Variants in ZNF462 observed in about 807,000 individuals in gnomAD.
The protein encoded by ZNF462 is zinc finger protein 462.
A neutral mutation model predicts 201.9 loss-of-function variants in ZNF462; 10 were observed. The observed-to-expected ratio is 0.05, with a 90% CI of 0.03 to 0.08. ZNF462 has a LOEUF of 0.08. ZNF462 is among the 10% of genes least tolerant of loss of function. ZNF462 has a pLI of 1.00. For synonymous variants in ZNF462, 1,227 were observed against 1,193.3 expected, an observed-to-expected ratio of 1.03 and a Z score of -0.58; for missense variants, 2,523 against 3,168.3, an observed-to-expected ratio of 0.80 and a Z score of 4.89.
In ZNF462 at chr9:106,962,548, A is replaced by G. The variant is rs1354029221; in HGVS notation, c.6428-9457A>G. ...GGTCTTTGAGAAACCTTTTCAGTGA[A>G]TGTAAGTATGATGGGAAACTAGATC... On this transcript the variant is annotated intron_variant, in intron 7 of 12. Transcript: ENST00000277225. The surrounding 1 kb of genome is among the most constrained non-coding windows in gnomAD (Gnocchi z 4.6). Among the ~76,000 whole-genome samples the G allele has an allele frequency of 1.3e-5, 2 of 152,070 alleles. No homozygotes were observed. Among genetic ancestry groups the G allele is most frequent in the East Asian group, 1.9e-4 (1 of 5,176 alleles).
Position 106,928,760 on chromosome 9 carries a change from A to G in ZNF462, c.4848A>G (p.Pro1616=). The part of the protein sequence containing the change: ...DVFSQSPPKL[P]VPLEPEMTTE... ...TTTCCCAGTCGCCCCCGAAGCTGCC[A>G]GTCCCCCTCGAGCCCGAGATGACCA... Residue 1616 remains proline (P), a synonymous_variant, in exon 3 of 13, where the codon CCA becomes CCG. Coordinates refer to ENST00000277225, the MANE Select transcript of ZNF462 (RefSeq NM_021224.6). This position sits in a 1 kb window ranked among gnomAD's most constrained non-coding sequence, Gnocchi z 9.3. The G allele has an allele frequency of 5.6e-6, 9 of 1,614,118 alleles. No homozygotes were observed. Among genetic ancestry groups the G allele is most frequent in the Non-Finnish European group, 7.6e-6 (9 of 1,180,022 alleles).
chr9:106,933,725 G>A lies in ZNF462; in HGVS notation c.6116+1176G>A, dbSNP rs1830514663. On this transcript the variant is annotated intron_variant, in intron 5 of 12. Transcript: ENST00000277225. The surrounding 1 kb of genome is among the most constrained non-coding windows in gnomAD (Gnocchi z 4.3). ...TAAAATACTATGATGTGTCAAAGAA[G>A]AGAAATGTTACATCAGCTTTGGAAG... is the stretch of plus-strand genomic sequence containing the variant. Among the ~76,000 whole-genome samples the A allele has an allele frequency of 6.6e-6, 1 of 152,172 alleles. No individual in the cohort carries two copies. The highest frequency in any genetic ancestry group is 2.4e-5 in the African/African-American group (1 of 41,420).
At chr9:106,915,075 G>GT (rs1829712710) in intron 1 of ZNF462, among the ~76,000 whole-genome samples, 1 of 152,080 alleles carries the variant, frequency 6.6e-6, no homozygotes, top group Admixed American at 6.5e-5. Context: ...AATGATCAAA[G>GT]TAAGGGCCTC....
Position 106,905,053 on chromosome 9 carries a change from C to G in ZNF462, c.-30-18301C>G, listed in dbSNP as rs1400380085. On this transcript the variant is annotated intron_variant, in intron 1 of 12. Coordinates refer to ENST00000277225, the MANE Select transcript of ZNF462 (RefSeq NM_021224.6). The surrounding 1 kb of genome is among the most constrained non-coding windows in gnomAD (Gnocchi z 5.9). ...TGGTTTCTTCTCATTTGGGTAGGCT[C>G]TGTCAGAGGGAAGGTCTATGGCTGA... Among the ~76,000 whole-genome samples the G allele has an allele frequency of 6.6e-6, 1 of 152,068 alleles. No homozygotes were observed. Among genetic ancestry groups the G allele is most frequent in the Admixed American group, 6.5e-5 (1 of 15,280 alleles).
intron 9 of ZNF462, among the ~76,000 whole-genome samples, chr9:106,980,452 G>A (rs1272315058): frequency 2.6e-5 from 4 of 152,154 alleles, no homozygotes; most frequent in African/African-American, 9.7e-5. Flanking sequence ...ATGTTGTGGT[G>A]TGCCTTTCAG....
rs1256661467 is a variant in ZNF462, at chr9:106,962,072, G to A, written c.6428-9933G>A. ...TGGTTCAGAGTTTGGGCTTTTTTCT[G>A]TAAGAAAGTGAGTGTCATGATCACA... On this transcript the variant is annotated intron_variant, in intron 7 of 12. Transcript: ENST00000277225. The surrounding 1 kb of genome is among the most constrained non-coding windows in gnomAD (Gnocchi z 4.6). 1.3e-5 allele frequency among the ~76,000 whole-genome samples: 2 copies of A among 151,992 alleles called. No homozygotes were observed. Among genetic ancestry groups the A allele is most frequent in the South Asian group, 2.1e-4 (1 of 4,826 alleles).
intron 9 of ZNF462, among the ~76,000 whole-genome samples, chr9:106,982,787 C>T (rs1033882197): frequency 6.6e-6 from 1 of 152,100 alleles, no homozygotes; most frequent in Admixed American, 6.5e-5. Flanking sequence ...GACTGCCCTA[C>T]AATCAGAGTG....
intron 1 of ZNF462, among the ~76,000 whole-genome samples, chr9:106,869,004 T>C (rs1827469299): frequency 6.6e-6 from 1 of 150,446 alleles, no homozygotes; most frequent in East Asian, 2.0e-4. Context: ...GGTTTGTAGC[T>C]GTACTTTTCT....
At chr9:106,975,840 C>T (rs1826959776) in intron 9 of ZNF462, 1 of 152,188 alleles carries the variant, frequency 6.6e-6, no homozygotes, top group African/African-American at 2.4e-5. Context: ...GAGCTGAGAA[C>T]ACAAGAAAGG....
At chr9:106,863,597 GGAGGAA>G (rs1827153592) in intron 1 of ZNF462, among the ~76,000 whole-genome samples, 2 of 151,300 alleles carry the variant, frequency 1.3e-5, no homozygotes, top group Non-Finnish European at 3.0e-5. Context: ...GAGAAGCGAG[GGAGGAA>G]GAGGAGGAGG....
At chr9:106,971,377 A>AAAACAG (rs57265022) in intron 7 of ZNF462, among the ~76,000 whole-genome samples, 3 of 150,328 alleles carry the variant, frequency 2.0e-5, no homozygotes, top group African/African-American at 7.5e-5. Context: ...AAAAAAAAAA[A>AAAACAG]CAACAACAAC....
Position 106,876,942 on chromosome 9 carries a change from G to C in ZNF462, c.-31+13587G>C, listed in dbSNP as rs538183496. Among the ~76,000 whole-genome samples the C allele has an allele frequency of 1.3e-5, 2 of 152,130 alleles. No homozygotes were observed. The highest frequency in any genetic ancestry group is 2.9e-5 in the Non-Finnish European group (2 of 68,024). ...CTGCCCCATAGCCTGGCTTAGAAAT[G>C]CTTTGGTTTTCTCTGTGCAAATGTT... On this transcript the variant is annotated intron_variant, in intron 1 of 12. Transcript: ENST00000277225. This position sits in a 1 kb window ranked among gnomAD's most constrained non-coding sequence, Gnocchi z 4.9.
rs991447886 is a variant in ZNF462, at chr9:107,008,215, T to C, written c.7190-1330T>C. 6.6e-6 allele frequency among the ~76,000 whole-genome samples: 1 copy of C among 152,214 alleles called. No individual in the cohort carries two copies. Among genetic ancestry groups the C allele is most frequent in the African/African-American group, 2.4e-5 (1 of 41,466 alleles). On this transcript the variant is annotated intron_variant, in intron 11 of 12. Transcript: ENST00000277225. This position sits in a 1 kb window ranked among gnomAD's most constrained non-coding sequence, Gnocchi z 4.8. ...GCCCAAGATAATCCCTGCTAAGGAA[T>C]TAATGCGCAGAGCAGATGGTGCTGT...
chr9:106,970,267 T>G lies in ZNF462; in HGVS notation c.6428-1738T>G, dbSNP rs1009317228. 2.0e-5 allele frequency among the ~76,000 whole-genome samples: 3 copies of G among 152,174 alleles called. No individual in the cohort carries two copies. The highest frequency in any genetic ancestry group is 1.9e-4 in the East Asian group (1 of 5,188). On this transcript the variant is annotated intron_variant, in intron 7 of 12. Coordinates refer to ENST00000277225, the MANE Select transcript of ZNF462 (RefSeq NM_021224.6). The surrounding 1 kb of genome is among the most constrained non-coding windows in gnomAD (Gnocchi z 4.2). ...GTTCAGGTTTCCTTTTGTTTTATTT[T>G]TGTGTGTGTGGCAGGTTTGTTTACA...
In ZNF462 at chr9:106,977,692, G is replaced by C. The variant is rs962805359; in HGVS notation, c.6832+3419G>C. Among the ~76,000 whole-genome samples the C allele has an allele frequency of 4.0e-5, 6 of 151,526 alleles. No individual in the cohort carries two copies. Among genetic ancestry groups the C allele is most frequent in the Admixed American group, 1.3e-4 (2 of 15,268 alleles). On this transcript the variant is annotated intron_variant, in intron 9 of 12. Coordinates refer to ENST00000277225, the MANE Select transcript of ZNF462 (RefSeq NM_021224.6). This position sits in a 1 kb window ranked among gnomAD's most constrained non-coding sequence, Gnocchi z 4.6. Reference sequence around the variant, plus strand: ...ATGAGCATGTGCGTAGTATAGACAAGACAGTGAGTGATGGGTATCTAGGTA... The same window carrying C: ...ATGAGCATGTGCGTAGTATAGACAACACAGTGAGTGATGGGTATCTAGGTA...
intron 7 of ZNF462, among the ~76,000 whole-genome samples, chr9:106,941,230 T>C (rs555076768): frequency 7.2e-5 from 11 of 152,320 alleles, no homozygotes; most frequent in African/African-American, 2.4e-4. Context: ...GGCTGTACTA[T>C]GCACGGAAGA....
In ZNF462 at chr9:106,902,931, G is replaced by C. The variant is rs1829124439; in HGVS notation, c.-30-20423G>C. 6.6e-6 allele frequency among the ~76,000 whole-genome samples: 1 copy of C among 151,776 alleles called. No homozygotes were observed. Among genetic ancestry groups the C allele is most frequent in the Non-Finnish European group, 1.5e-5 (1 of 67,920 alleles). On this transcript the variant is annotated intron_variant, in intron 1 of 12. Transcript: ENST00000277225. This position sits in a 1 kb window ranked among gnomAD's most constrained non-coding sequence, Gnocchi z 4.2. Reference sequence around the variant, plus strand: ...TGTTTGTTTGTTTGAATTTCATTTAGTTTTGCCCTGATCTTGGTTATTTCC... The same window carrying C: ...TGTTTGTTTGTTTGAATTTCATTTACTTTTGCCCTGATCTTGGTTATTTCC...
intron 7 of ZNF462, among the ~76,000 whole-genome samples, chr9:106,956,567 T>G (rs1004614072): frequency 2.7e-4 from 41 of 152,174 alleles, no homozygotes; most frequent in Non-Finnish European, 4.9e-4. Flanking sequence ...TTCGGAGCTT[T>G]GAAGCCAGTT....
intron 1 of ZNF462, among the ~76,000 whole-genome samples, chr9:106,889,843 G>A (rs1376508196): frequency 6.6e-6 from 1 of 152,098 alleles, no homozygotes; most frequent in Middle Eastern, 3.2e-3. Context: ...TTTGGCTTAT[G>A]TACTATCTTT....
Sources: allele counts gnomAD v4.1 joint callset (sites outside exome capture counted in the v4.1 genomes callset), GRCh38; gene constraint gnomAD v4.1.1; non-coding constraint Gnocchi (gnomAD v3.1); transcripts MANE v1.5; gene names NCBI Gene and HGNC (gene_info 2026-07-23, HGNC 2026-07-21).